Variants in DLG3 observed in about 807,000 individuals in gnomAD.
DLG3 encodes discs large MAGUK scaffold protein 3.
A neutral mutation model predicts 64.1 loss-of-function variants in DLG3; 1 was observed. The observed-to-expected ratio is 0.02, with a 90% CI of 0.01 to 0.07. The LOEUF (loss-of-function observed/expected upper bound fraction) is 0.07, where lower values mean the gene tolerates loss of function less well. Among genes scored for constraint, DLG3 ranks in the 10% least tolerant of loss-of-function variants. DLG3 has a pLI of 1.00. For missense variants in DLG3, 429 were observed against 669.5 expected, an observed-to-expected ratio of 0.64 and a Z score of 3.96; for synonymous variants, 245 against 259.8, an observed-to-expected ratio of 0.94 and a Z score of 0.55.
chrX:70,497,675 GA>G (rs1220349557), intron 13 of DLG3, among the ~76,000 whole-genome samples: 1 of 112,379 alleles, frequency 8.9e-6, no homozygotes, highest in African/African-American at 3.2e-5. Flanking sequence ...CTCCTTGGGA[GA>G]TCCTGTGACC....
rs1238405207 is a variant in DLG3 at position 70,502,177 on chromosome X, G to A, written c.2362G>A (p.Asp788Asn). 1 of 1,206,845 alleles carries A rather than the reference G, an allele frequency of 8.3e-7. No individual in the cohort carries two copies. Among genetic ancestry groups the A allele is most frequent in the Admixed American group, 2.2e-5 (1 of 45,957 alleles). Reference protein sequence around the residue: ...GEYFTAIVQGDSLEEIYNKIK... With the variant: ...GEYFTAIVQGNSLEEIYNKIK... ...CTTCACTTTAGCCATTGTACAGGGT[G>A]ACTCACTGGAAGAGATTTATAACAA... The change falls in exon 19 of 19, where the codon GAC becomes AAC. Residue 788 changes from aspartate (D) to asparagine (N), a missense_variant. Physicochemically the swap from Asp to Asn is conservative, Grantham distance 23 (BLOSUM62 1). This residue lies in a region of DLG3 where 48 missense variants were observed against 69.5 expected (regional missense o/e 0.69). Coordinates refer to ENST00000374360, the MANE Select transcript of DLG3 (RefSeq NM_021120.4).
chrX:70,480,723 G>A (rs1354141056), intron 10 of DLG3, among the ~76,000 whole-genome samples: 1 of 112,282 alleles, frequency 8.9e-6, no homozygotes, highest in Admixed American at 9.4e-5. Context: ...GTTCCGTTCC[G>A]TGCTTCCAGC....
intron 12 of DLG3, 53 bp from the exon 13 acceptor site, chrX:70,495,354 TC>T: frequency 8.9e-7 from 1 of 1,119,181 alleles, no homozygotes; most frequent in Non-Finnish European, 1.2e-6. Context: ...CCCTTCCCCT[TC>T]CCCCCTCTTC....
chrX:70,448,881 G>T, intron 1 of DLG3, 32 bp from the exon 2 acceptor site: 2 of 1,202,144 alleles, frequency 1.7e-6, no homozygotes, highest in Non-Finnish European at 2.2e-6. Context: ...AGGGCAGGGG[G>T]CACTAAGGGA....
At chrX:70,445,777 CA>C (rs748587851) in intron 1 of DLG3, among the ~76,000 whole-genome samples, 157 of 92,226 alleles carry the variant, frequency 1.7e-3, no homozygotes, top group African/African-American at 6.4e-3. Flanking sequence ...AGCCGTGTGT[CA>C]GGGGGTAAGG....
intron 9 of DLG3, among the ~76,000 whole-genome samples, chrX:70,461,033 G>A (rs1239724178): frequency 7.1e-5 from 8 of 112,125 alleles, no homozygotes; most frequent in African/African-American, 2.6e-4. Context: ...GAACATCTGT[G>A]TGCAAGTTTT....
chrX:70,499,759 G>T, intron 15 of DLG3, 118 bp from the exon 16 acceptor site: 1 of 648,341 alleles, frequency 1.5e-6, no homozygotes, highest in East Asian at 4.1e-5. Flanking sequence ...CCACTTACTT[G>T]AAAAAAAAAA....
chrX:70,470,786 A>C (rs1254337291), intron 9 of DLG3, among the ~76,000 whole-genome samples: 1 of 111,892 alleles, frequency 8.9e-6, no homozygotes, highest in Admixed American at 9.5e-5. Flanking sequence ...TTTTCCTGTC[A>C]TTAGGCAGGT....
chrX:70,449,980 A>G (rs2086601939), intron 4 of DLG3, 121 bp downstream of exon 4: 3 of 1,014,196 alleles, frequency 3.0e-6, no homozygotes. Flanking sequence ...GTTCCAACTC[A>G]CAGCCTACTT....
intron 15 of DLG3, 125 bp downstream of exon 15, chrX:70,499,402 G>T: frequency 1.8e-6 from 1 of 547,406 alleles, no homozygotes; most frequent in Non-Finnish European, 3.2e-6. Context: ...CATTTGACAC[G>T]CTGGAAAACA....
rs752476953 is a variant in DLG3 at position 70,479,018 on chromosome X, A to G, written c.1406-132A>G. The G allele has an allele frequency of 7.2e-6, 4 of 553,604 alleles. No individual in the cohort carries two copies. In the African/African-American group the frequency reaches 9.0e-5, roughly 12 times the overall value. The allele number at this position is 553,604 out of a possible 1,213,427, so 45.6% of individuals were successfully genotyped here. ...GAGGAGGGACTTTGCTTATCAAAGC[A>G]AAGACTGAGTGGGCTGGCTCTGGCT... On this transcript the variant is annotated intron_variant, in intron 9 of 18. Transcript: ENST00000374360.
Position 70,502,274 on chromosome X carries a change from T to A in DLG3, c.*5T>A. On this transcript the variant is annotated 3_prime_UTR_variant, in exon 19 of 19. Transcript: ENST00000374360. ...CCATCCCCTGAAAAACTCTGAAGAATCCCCTCCAACCATTCTCTTGTGAAC... is the reference window on the plus strand; with the variant it reads ...CCATCCCCTGAAAAACTCTGAAGAAACCCCTCCAACCATTCTCTTGTGAAC... 1 of 1,147,081 alleles carries A rather than the reference T, an allele frequency of 8.7e-7. No homozygotes were observed. The highest frequency in any genetic ancestry group is 1.2e-6 in the Non-Finnish European group (1 of 838,244). The allele number at this position is 1,147,081 out of a possible 1,213,427, so 94.5% of individuals were successfully genotyped here. A position where few individuals can be genotyped will look rare whatever the true frequency, so the allele number is the denominator to read the frequency against.
chrX:70,490,431 A>G (rs1191625741), intron 10 of DLG3, among the ~76,000 whole-genome samples: 2 of 111,861 alleles, frequency 1.8e-5, no homozygotes, highest in African/African-American at 6.5e-5. Context: ...ATAGCCCGGA[A>G]TGCACCTCTC....
intron 9 of DLG3, among the ~76,000 whole-genome samples, chrX:70,455,433 G>A (rs113245443): frequency 9.1e-6 from 1 of 109,610 alleles, no homozygotes; most frequent in Non-Finnish European, 1.9e-5. Flanking sequence ...AGGGCCCCTC[G>A]GAGCGCCGCG....
Position 70,500,588 on chromosome X carries a change from T to C in DLG3, c.2255+8T>C, listed in dbSNP as rs946965640. 8.7e-7 allele frequency: 1 copy of C among 1,150,279 alleles called. No homozygotes were observed. Among genetic ancestry groups the C allele is most frequent in the Non-Finnish European group, 1.2e-6 (1 of 841,004 alleles). The allele number at this position is 1,150,279 out of a possible 1,213,427, so 94.8% of individuals were successfully genotyped here. A position where few individuals can be genotyped will look rare whatever the true frequency, so the allele number is the denominator to read the frequency against. On this transcript the variant is annotated splice_region_variant and intron_variant, in intron 17 of 18. Coordinates refer to ENST00000374360, the MANE Select transcript of DLG3 (RefSeq NM_021120.4). ...GTCCATTGAAGCCCTTATGTAAGTG[T>C]TGAACTGAGAACTCAGACACACCAA...
intron 18 of DLG3, 42 bp downstream of exon 18, chrX:70,501,031 C>A: frequency 1.0e-6 from 1 of 987,840 alleles, no homozygotes; most frequent in Non-Finnish European, 1.4e-6. Flanking sequence ...GGGGAACTAG[C>A]CAGGTACCTG....
intron 13 of DLG3, among the ~76,000 whole-genome samples, chrX:70,497,692 A>G (rs1277871516): frequency 1.8e-5 from 2 of 112,441 alleles, no homozygotes; most frequent in Non-Finnish European, 3.8e-5. Flanking sequence ...TGACCAGACC[A>G]GAGAAACCGT....
chrX:70,466,244 C>T (rs895623179), intron 9 of DLG3, among the ~76,000 whole-genome samples: 31 of 73,056 alleles, frequency 4.2e-4, no homozygotes, highest in Non-Finnish European at 7.6e-4. Flanking sequence ...GTTTCTTGGT[C>T]ATTTGTGTGT....
At chrX:70,495,160 T>G (rs1039652718) in intron 12 of DLG3, among the ~76,000 whole-genome samples, 15 of 111,963 alleles carry the variant, frequency 1.3e-4, no homozygotes, top group African/African-American at 4.9e-4. Flanking sequence ...CTTGATGTCT[T>G]ATCTGCCCTG....
Sources: allele counts gnomAD v4.1 joint callset (sites outside exome capture counted in the v4.1 genomes callset), GRCh38; gene constraint gnomAD v4.1.1; regional missense constraint gnomAD v4.1.1; transcripts MANE v1.5; gene names NCBI Gene and HGNC (gene_info 2026-07-23, HGNC 2026-07-21).